The following NMT1 variants were observed in gnomAD, a reference collection of about 807,000 sequenced individuals.
NMT1 encodes glycylpeptide N-tetradecanoyltransferase 1.
NMT1 carries 12 observed loss-of-function variants against 63.4 expected under a neutral mutation model. The ratio of observed to expected loss-of-function variants is 0.19; its 90% CI spans 0.12 to 0.31. NMT1 has a LOEUF of 0.31. Ranked by LOEUF, NMT1 falls within the 10% of genes least tolerant of loss-of-function variation. The pLI is 1.00. For synonymous variants in NMT1, 228 were observed against 234.3 expected (o/e 0.97, Z 0.25); for missense variants, 432 against 634.6 (o/e 0.68, Z 3.43).
Position 45,104,020 on chromosome 17 carries a change from A to C in NMT1, c.1332+144A>C. 6.3e-7 allele frequency: 1 copy of C among 1,587,268 alleles called. No individual in the cohort carries two copies. Among genetic ancestry groups the C allele is most frequent in the Non-Finnish European group, 8.5e-7 (1 of 1,174,292 alleles). ...TGTTCTGCTTAGGCAGGGTTCCCGC[A>C]GTTTTTAGGCAGAAACTCAAAACTT... is the stretch of plus-strand genomic sequence containing the variant. On this transcript the variant is annotated intron_variant, in intron 10 of 11. Coordinates refer to ENST00000258960, the MANE Select transcript of NMT1 (RefSeq NM_021079.5). The surrounding 1 kb of genome is among the most constrained non-coding windows in gnomAD (Gnocchi z 4.2).
At chr17:45,065,623 CAAAAAAA>C (rs397944011) in intron 1 of NMT1, among the ~76,000 whole-genome samples, 1 of 81,734 alleles carries the variant, frequency 1.2e-5, no homozygotes, top group Non-Finnish European at 2.4e-5. Flanking sequence ...GACTCTGTCT[CAAAAAAA>C]AAAAAAAAAA....
In NMT1 at chr17:45,104,164, G is replaced by A; in HGVS notation, c.1332+288G>A. 3 of 1,317,588 alleles carry A rather than the reference G, an allele frequency of 2.3e-6. No homozygotes were observed. Among genetic ancestry groups the A allele is most frequent in the Non-Finnish European group, 2.9e-6 (3 of 1,024,004 alleles). The allele number at this position is 1,317,588 out of a possible 1,614,324, so 81.6% of individuals were successfully genotyped here. A position where few individuals can be genotyped will look rare whatever the true frequency, so the allele number is the denominator to read the frequency against. On this transcript the variant is annotated intron_variant, in intron 10 of 11. Coordinates refer to ENST00000258960, the MANE Select transcript of NMT1 (RefSeq NM_021079.5). This position sits in a 1 kb window ranked among gnomAD's most constrained non-coding sequence, Gnocchi z 4.2. Reference sequence around the variant, plus strand: ...CTGAATAGCCAGGCCTTCCCTGGGAGGACAGGGCTTCTCCTCACAGCTTTC... The same window carrying A: ...CTGAATAGCCAGGCCTTCCCTGGGAAGACAGGGCTTCTCCTCACAGCTTTC...
At chr17:45,085,265 A>G (rs1489827319) in intron 2 of NMT1, among the ~76,000 whole-genome samples, 2 of 152,122 alleles carry the variant, frequency 1.3e-5, no homozygotes, top group African/African-American at 4.8e-5. Flanking sequence ...AAAAAAAAGA[A>G]ATTCACTGCA....
chr17:45,093,928 TC>T (rs2054106528), intron 4 of NMT1, 125 bp downstream of exon 4: 1 of 698,546 alleles, frequency 1.4e-6, no homozygotes, highest in Non-Finnish European at 2.4e-6. Context: ...CTGAACAGAC[TC>T]CCGTCTGTAA....
chr17:45,105,073 TGAG>T lies in NMT1; in HGVS notation c.1470+81_1470+83del. 1 of 1,585,226 alleles carries T rather than the reference TGAG, an allele frequency of 6.3e-7. No homozygotes were observed. On this transcript the variant is annotated intron_variant, in intron 11 of 11. Transcript: ENST00000258960. This position sits in a 1 kb window ranked among gnomAD's most constrained non-coding sequence, Gnocchi z 4.2. ...CTCCAGCAGAAACCGGGCCATGGGT[TGAG>T]GAGACAGCCGCAGTCTGGGTCCTTG...
At chr17:45,066,849 A>C (rs2053906358) in intron 1 of NMT1, among the ~76,000 whole-genome samples, 1 of 152,048 alleles carries the variant, frequency 6.6e-6, no homozygotes, top group Non-Finnish European at 1.5e-5. Context: ...AGTAGCTAGG[A>C]TTGTAGACAT....
At position 45,104,206 on chromosome 17, in the gene NMT1, G is replaced by A; in HGVS notation, c.1332+330G>A. On this transcript the variant is annotated intron_variant, in intron 10 of 11. Transcript: ENST00000258960. This position sits in a 1 kb window ranked among gnomAD's most constrained non-coding sequence, Gnocchi z 4.2. ...ACAGCTTTCCCAGCGTGGGAAAGGG[G>A]TGATTGCTGTCTGTCGTGGTGAGTC... 2 of 1,245,546 alleles carry A rather than the reference G, an allele frequency of 1.6e-6. No homozygotes were observed. The highest frequency in any genetic ancestry group is 2.0e-6 in the Non-Finnish European group (2 of 979,222). The allele number at this position is 1,245,546 out of a possible 1,614,324, so 77.2% of individuals were successfully genotyped here.
intron 4 of NMT1, among the ~76,000 whole-genome samples, 198 bp downstream of exon 4, chr17:45,094,001 G>A (rs998639992): frequency 6.6e-6 from 1 of 152,250 alleles, no homozygotes; most frequent in Non-Finnish European, 1.5e-5. Context: ...CAGGTTGGAA[G>A]TTAACCTCTG....
At chr17:45,102,846 G>C in intron 8 of NMT1, 105 bp from the exon 9 acceptor site, 7 of 1,095,690 alleles carry the variant, frequency 6.4e-6, no homozygotes, top group East Asian at 2.6e-5. Context: ...GCAGGGAGCC[G>C]CCGAATGACC....
chr17:45,085,462 T>G (rs181558009), intron 2 of NMT1, among the ~76,000 whole-genome samples: 1 of 152,308 alleles, frequency 6.6e-6, no homozygotes, highest in African/African-American at 2.4e-5. Context: ...TGATCCAATT[T>G]TAGTTTTTGA....
intron 3 of NMT1, among the ~76,000 whole-genome samples, chr17:45,088,544 C>T (rs921968399): frequency 1.3e-5 from 2 of 152,174 alleles, no homozygotes; most frequent in Non-Finnish European, 2.9e-5. Flanking sequence ...GACCTGAGGT[C>T]AGGAGTTCGA....
In NMT1 at chr17:45,104,063, T is replaced by C. The variant is rs969743775; in HGVS notation, c.1332+187T>C. The C allele has an allele frequency of 3.9e-6, 6 of 1,527,422 alleles. No homozygotes were observed. The African/African-American group carries it at 8.3e-5, about 21-fold the overall frequency. 94.6% of individuals were successfully genotyped at this position (1,527,422 alleles called of 1,614,324 possible). On this transcript the variant is annotated intron_variant, in intron 10 of 11. Coordinates refer to ENST00000258960, the MANE Select transcript of NMT1 (RefSeq NM_021079.5). This position sits in a 1 kb window ranked among gnomAD's most constrained non-coding sequence, Gnocchi z 4.2. The stretch of plus-strand genomic sequence containing the variant: ...CAAAACTTGGAGGGAACAAGGAGCA[T>C]CCGAAGTGAAGGCATTGAACTCCTC...
chr17:45,073,955 T>C (rs1034396756), intron 1 of NMT1, among the ~76,000 whole-genome samples: 11 of 152,168 alleles, frequency 7.2e-5, no homozygotes, highest in Admixed American at 1.3e-4. Context: ...GCGGATTGCA[T>C]CATCCAGTAA....
Position 45,105,532 on chromosome 17 carries a change from C to A in NMT1, c.1471-87C>A. 1 of 1,482,926 alleles carries A rather than the reference C, an allele frequency of 6.7e-7. No individual in the cohort carries two copies. The highest frequency in any genetic ancestry group is 9.4e-7 in the Non-Finnish European group (1 of 1,064,594). The allele number at this position is 1,482,926 out of a possible 1,614,324, so 91.9% of individuals were successfully genotyped here. A position where few individuals can be genotyped will look rare whatever the true frequency, so the allele number is the denominator to read the frequency against. On this transcript the variant is annotated intron_variant, in intron 11 of 11. Coordinates refer to ENST00000258960, the MANE Select transcript of NMT1 (RefSeq NM_021079.5). This position sits in a 1 kb window ranked among gnomAD's most constrained non-coding sequence, Gnocchi z 4.2. ...GCACAGGCGGTGGACCCGGGCCCAGCCACTCGGAACTTCAGGGATAGGGGG... is the reference window on the plus strand; with the variant it reads ...GCACAGGCGGTGGACCCGGGCCCAGACACTCGGAACTTCAGGGATAGGGGG...
At chr17:45,062,383 A>G (rs905841334) in intron 1 of NMT1, among the ~76,000 whole-genome samples, 4 of 152,138 alleles carry the variant, frequency 2.6e-5, no homozygotes, top group African/African-American at 9.7e-5. Context: ...CTATATTTGT[A>G]GATATATTTT....
At position 45,108,199 on chromosome 17, in the gene NMT1, C is replaced by G. The variant is rs961646708; in HGVS notation, c.*2560C>G. 1.3e-5 allele frequency: 2 copies of G among 152,562 alleles called. No individual in the cohort carries two copies. Among genetic ancestry groups the G allele is most frequent in the African/African-American group, 4.8e-5 (2 of 41,458 alleles). The allele number at this position is 152,562 out of a possible 1,614,324, so 9.5% of individuals were successfully genotyped here. A position where few individuals can be genotyped will look rare whatever the true frequency, so the allele number is the denominator to read the frequency against. On this transcript the variant is annotated 3_prime_UTR_variant, in exon 12 of 12. Coordinates refer to ENST00000258960, the MANE Select transcript of NMT1 (RefSeq NM_021079.5). Reference sequence around the variant, plus strand: ...CCCCACCCTCTGCCACCCAGTCCTCCCAGCTGCCATGTTTCAAAGACGACC... The same window carrying G: ...CCCCACCCTCTGCCACCCAGTCCTCGCAGCTGCCATGTTTCAAAGACGACC...
intron 1 of NMT1, 99 bp downstream of exon 1, chr17:45,061,559 C>T: frequency 2.8e-6 from 3 of 1,057,932 alleles, no homozygotes; most frequent in Non-Finnish European, 4.1e-6. Context: ...GCCCCACCCT[C>T]ATGTTCTTAT....
chr17:45,082,515 C>G (rs901311696), intron 2 of NMT1, among the ~76,000 whole-genome samples: 10 of 152,196 alleles, frequency 6.6e-5, no homozygotes, highest in African/African-American at 2.4e-4. Context: ...TTTCTGAGTT[C>G]TACTCCATGA....
intron 2 of NMT1, among the ~76,000 whole-genome samples, chr17:45,085,414 G>A (rs758943165): frequency 2.6e-5 from 4 of 152,208 alleles, no homozygotes; most frequent in Non-Finnish European, 4.4e-5. Context: ...AGGTCTCTAA[G>A]ACAGTCTTTA....
Sources: allele counts gnomAD v4.1 joint callset (sites outside exome capture counted in the v4.1 genomes callset), GRCh38; gene constraint gnomAD v4.1.1; non-coding constraint Gnocchi (gnomAD v3.1); transcripts MANE v1.5; gene names NCBI Gene and HGNC (gene_info 2026-07-23, HGNC 2026-07-21).